SLC28A3: variants seen among roughly 807,000 people sequenced by gnomAD.
The protein encoded by SLC28A3 is concentrative Na(+)-nucleoside cotransporter 3.
Under a neutral mutation model 84.2 loss-of-function variants are expected in SLC28A3, and 68 were observed. That is an observed-to-expected ratio of 0.81 (90% CI 0.66 to 0.99). The LOEUF (loss-of-function observed/expected upper bound fraction) is 0.99, where lower values mean the gene tolerates loss of function less well. SLC28A3 is among the 50% of genes least tolerant of loss of function. SLC28A3 has a pLI of 0.00. For missense variants in SLC28A3, 712 were observed against 841.5 expected, an observed-to-expected ratio of 0.85 and a Z score of 1.90; for synonymous variants, 267 against 303.6, an observed-to-expected ratio of 0.88 and a Z score of 1.25.
At chr9:84,316,770 A>C (rs1022937354) in intron 1 of SLC28A3, among the ~76,000 whole-genome samples, 2 of 152,212 alleles carry the variant, frequency 1.3e-5, no homozygotes, top group African/African-American at 4.8e-5. Context: ...TGGGAGGCCA[A>C]GGCGGGCGGA....
intron 15 of SLC28A3, 22 bp from the exon 16 acceptor site, chr9:84,280,095 A>G: frequency 6.2e-7 from 1 of 1,607,922 alleles, no homozygotes; most frequent in Non-Finnish European, 8.5e-7. Context: ...GGAAGGAGGG[A>G]TGTGAGATCA....
chr9:84,367,680 T>C, the SLC28A3 span, among the ~76,000 whole-genome samples: 990 of 152,240 alleles, frequency 6.5e-3, 3 homozygotes, highest in Non-Finnish European at 0.012. Context: ...AACAGAGTGA[T>C]GATGGGGAGA....
intron 3 of SLC28A3, among the ~76,000 whole-genome samples, chr9:84,307,816 T>C (rs990165775): frequency 3.3e-5 from 5 of 152,210 alleles, no homozygotes; most frequent in African/African-American, 1.2e-4. Context: ...GACTTCTGCA[T>C]AAAGCAGAGT....
chr9:84,282,066 C>T lies in SLC28A3; in HGVS notation c.1648-1184G>A, dbSNP rs7859031. On this transcript the variant is annotated intron_variant, in intron 14 of 17. Transcript: ENST00000376238. ...CTGAGGCAGGAGAATCACTTGAACC[C>T]GGGAGGCAGAGGTTGCAGTGAGCTG... 5.5e-3 allele frequency among the ~76,000 whole-genome samples: 837 copies of T among 152,280 alleles called. 10 individuals are homozygous for T. The highest frequency in any genetic ancestry group is 0.019 in the African/African-American group (799 of 41,540).
At position 84,285,459 on chromosome 9, in the gene SLC28A3, T is replaced by C. The variant is rs765873010; in HGVS notation, c.1533A>G (p.Ile511Met). ...WQDSFMVARLIGYKTFFNEFV... is the reference protein window; with the variant it reads ...WQDSFMVARLMGYKTFFNEFV... ...ATTCATTGAAGAAGGTCTTATAACCTATGAGTCTGGCAACCATAAAGCTGT... is the reference window on the plus strand; with the variant it reads ...ATTCATTGAAGAAGGTCTTATAACCCATGAGTCTGGCAACCATAAAGCTGT... The change falls in exon 14 of 18, where the codon ATA (isoleucine) becomes ATG (methionine). Residue 511 changes from isoleucine to methionine, a missense_variant. By Grantham distance (10) the Ile-to-Met change is conservative (BLOSUM62 1). Coordinates refer to ENST00000376238, the MANE Select transcript of SLC28A3 (RefSeq NM_001199633.2). 1.7e-5 allele frequency: 27 copies of C among 1,614,092 alleles called. No homozygotes were observed. Among genetic ancestry groups the C allele is most frequent in the Non-Finnish European group, 2.3e-5 (27 of 1,180,030 alleles).
At chr9:84,342,017 T>G (rs534275165), upstream of SLC28A3, among the ~76,000 whole-genome samples, 167 of 150,680 alleles carry the variant, frequency 1.1e-3, 4 homozygotes, top group Non-Finnish European at 1.3e-3. Context: ...TAGTCCCAGC[T>G]ACTCGGGAGG....
chr9:84,302,139 A>G, intron 5 of SLC28A3, 61 bp downstream of exon 5: 3 of 1,524,168 alleles, frequency 2.0e-6, no homozygotes, highest in Admixed American at 4.0e-5. Flanking sequence ...AAATTTTTGA[A>G]ACGGTGTTGG....
chr9:84,304,596 G>T (rs185684210), intron 4 of SLC28A3, among the ~76,000 whole-genome samples: 2 of 152,300 alleles, frequency 1.3e-5, no homozygotes, highest in African/African-American at 4.8e-5. Flanking sequence ...GATGGCCCTA[G>T]GCTACTCATG....
At chr9:84,353,240 A>G in the SLC28A3 span, among the ~76,000 whole-genome samples, 1 of 152,234 alleles carries the variant, frequency 6.6e-6, no homozygotes, top group Non-Finnish European at 1.5e-5. Flanking sequence ...ATTTCAAATC[A>G]CATCTTGAGT....
At chr9:84,280,097 G>C in intron 15 of SLC28A3, 24 bp from the exon 16 acceptor site, 1 of 1,606,792 alleles carries the variant, frequency 6.2e-7, no homozygotes, top group Non-Finnish European at 8.5e-7. Context: ...AAGGAGGGAT[G>C]TGAGATCAAT....
At chr9:84,349,707 A>G in the SLC28A3 span, among the ~76,000 whole-genome samples, 1 of 152,218 alleles carries the variant, frequency 6.6e-6, no homozygotes, top group Admixed American at 6.5e-5. Flanking sequence ...TAGGGTAAGT[A>G]TGTTACCATT....
In SLC28A3 at chr9:84,278,152, T is replaced by C. The variant is rs1412430573; in HGVS notation, c.*66A>G. On this transcript the variant is annotated 3_prime_UTR_variant, in exon 18 of 18. Coordinates refer to ENST00000376238, the MANE Select transcript of SLC28A3 (RefSeq NM_001199633.2). ...AATCTGTGGACAATAGCTTCTTTTT[T>C]TTTTCTTTCCAAAGCAGAAAATTCA... The C allele has an allele frequency of 1.3e-6, 2 of 1,543,682 alleles. No individual in the cohort carries two copies. Among genetic ancestry groups the C allele is most frequent in the East Asian group, 2.3e-5 (1 of 44,200 alleles).
the SLC28A3 span, among the ~76,000 whole-genome samples, chr9:84,346,474 C>T: frequency 6.6e-6 from 1 of 152,300 alleles, no homozygotes; most frequent in African/African-American, 2.4e-5. Context: ...GTTCCAGACT[C>T]CTGTCTTCCT....
intron 1 of SLC28A3, among the ~76,000 whole-genome samples, chr9:84,330,719 G>A (rs1164932005): frequency 6.6e-6 from 1 of 152,136 alleles, no homozygotes; most frequent in East Asian, 1.9e-4. Context: ...TGTACTATAT[G>A]TTTAAAATAT....
At chr9:84,290,330 AG>A in intron 10 of SLC28A3, 51 bp from the exon 11 acceptor site, 1 of 1,598,344 alleles carries the variant, frequency 6.3e-7, no homozygotes, top group Non-Finnish European at 8.5e-7. Flanking sequence ...GTGTGGGGGC[AG>A]GGGAAGGCAT....
At chr9:84,357,108 T>G in the SLC28A3 span, among the ~76,000 whole-genome samples, 2 of 152,306 alleles carry the variant, frequency 1.3e-5, no homozygotes, top group African/African-American at 4.8e-5. Flanking sequence ...CCGGGAACTT[T>G]GTTTTATTCA....
At chr9:84,314,842 G>C (rs1826111651) in intron 1 of SLC28A3, among the ~76,000 whole-genome samples, 1 of 152,210 alleles carries the variant, frequency 6.6e-6, no homozygotes. Flanking sequence ...ACTTTGGGAG[G>C]CCAAGGTGGG....
chr9:84,360,149 T>A, the SLC28A3 span, among the ~76,000 whole-genome samples: 1 of 151,684 alleles, frequency 6.6e-6, no homozygotes, highest in South Asian at 2.1e-4. Context: ...GTGCCAGGGG[T>A]GACCCTTAAG....
Position 84,280,785 on chromosome 9 carries a change from T to C in SLC28A3, c.1729+16A>G. 6.2e-7 allele frequency: 1 copy of C among 1,613,262 alleles called. No individual in the cohort carries two copies. Among genetic ancestry groups the C allele is most frequent in the South Asian group, 1.1e-5 (1 of 90,992 alleles). On this transcript the variant is annotated intron_variant, in intron 15 of 17. Transcript: ENST00000376238. ...ATGGCACATCTGTGTTGTTGAAGAA[T>C]GTTCTTTTCACTTACTGAGTCCGCC...
Sources: allele counts gnomAD v4.1 joint callset (sites outside exome capture counted in the v4.1 genomes callset), GRCh38; gene constraint gnomAD v4.1.1; transcripts MANE v1.5; gene names NCBI Gene and HGNC (gene_info 2026-07-23, HGNC 2026-07-21).